Variants in EML1 observed in about 807,000 individuals in gnomAD.
The protein encoded by EML1 is EMAP like 1, also known as echinoderm microtubule-associated protein-like 1.
Under a neutral mutation model 110.4 loss-of-function variants are expected in EML1, and 27 were observed. The ratio of observed to expected loss-of-function variants is 0.24; its 90% confidence interval spans 0.18 to 0.34. The LOEUF (loss-of-function observed/expected upper bound fraction) is 0.34. Ranked by LOEUF, EML1 falls within the 10% of genes least tolerant of loss-of-function variation. EML1 has a pLI of 1.00. For synonymous variants in EML1, 344 were observed against 385.8 expected (o/e 0.89, Z 1.27); for missense variants, 741 against 1,030.9 (o/e 0.72, Z 3.85).
chr14:99,841,070 G>T (rs1273432570), intron 1 of EML1, among the ~76,000 whole-genome samples: 1 of 152,196 alleles, frequency 6.6e-6, no homozygotes, highest in Non-Finnish European at 1.5e-5. Context: ...TGAGAGTCAA[G>T]TTGGAGCTGG....
chr14:99,828,940 A>G (rs553511991), intron 1 of EML1, among the ~76,000 whole-genome samples: 1 of 152,224 alleles, frequency 6.6e-6, no homozygotes, highest in South Asian at 2.1e-4. Context: ...GGAAGAGGAA[A>G]GCATTGGTCT....
chr14:99,839,730 T>C (rs1159349101), intron 1 of EML1, among the ~76,000 whole-genome samples: 1 of 152,240 alleles, frequency 6.6e-6, no homozygotes, highest in East Asian at 1.9e-4. Context: ...TATGTGAACA[T>C]TAGTTCTTGA....
intron 5 of EML1, among the ~76,000 whole-genome samples, chr14:99,891,950 C>G (rs2059594417): frequency 6.6e-6 from 1 of 152,192 alleles, no homozygotes; most frequent in Non-Finnish European, 1.5e-5. Context: ...TGAAATTACT[C>G]ACTGAAAATG....
intron 4 of EML1, among the ~76,000 whole-genome samples, chr14:99,881,360 T>C (rs770293709): frequency 1.3e-5 from 2 of 152,244 alleles, no homozygotes; most frequent in Non-Finnish European, 2.9e-5. Flanking sequence ...TTAGCACATA[T>C]GGCACTTAGG....
rs991099798 is a variant in EML1, at chr14:99,827,334, C to T, written c.68-23519C>T. Among the ~76,000 whole-genome samples the T allele has an allele frequency of 3.3e-5, 5 of 150,514 alleles. No homozygotes were observed. The South Asian group carries it at 6.4e-4, about 19-fold the overall frequency. Reference sequence around the variant, plus strand: ...ACTGGACCTTGCCGGTTTTGAGTATCGTGAGTACCCTGGCAGCATAGCTGG... The same window carrying T: ...ACTGGACCTTGCCGGTTTTGAGTATTGTGAGTACCCTGGCAGCATAGCTGG... On this transcript the variant is annotated intron_variant, in intron 1 of 21. Transcript: ENST00000262233. This position sits in a 1 kb window ranked among gnomAD's most constrained non-coding sequence, Gnocchi z 4.4.
intron 16 of EML1, among the ~76,000 whole-genome samples, chr14:99,919,160 G>T (rs992431447): frequency 6.6e-6 from 1 of 152,070 alleles, no homozygotes; most frequent in South Asian, 2.1e-4. Flanking sequence ...TTGCTTTCCA[G>T]GTTTTGATTG....
intron 2 of EML1, among the ~76,000 whole-genome samples, chr14:99,851,499 G>C (rs2058800037): frequency 6.6e-6 from 1 of 152,064 alleles, no homozygotes; most frequent in South Asian, 2.1e-4. Context: ...AGTGGAGACA[G>C]AGTTTCACCG....
chr14:99,924,180 G>GTT (rs55972281), intron 17 of EML1, among the ~76,000 whole-genome samples: 7 of 151,856 alleles, frequency 4.6e-5, no homozygotes, highest in South Asian at 4.2e-4. Context: ...CAAAATAAGT[G>GTT]TTTTTTTTAT....
rs377432781 is a variant in EML1 at position 99,936,388 on chromosome 14, T to G, written c.2095+54T>G. 90 of 1,548,558 alleles carry G rather than the reference T, an allele frequency of 5.8e-5. No homozygotes were observed. In the African/African-American group the frequency reaches 1.0e-3, roughly 18 times the overall value. ...TCTCGATCTCAGAAAGCGTTCACTC[T>G]GAGATCCAGGGGGCCTCTGTGAGAA... On this transcript the variant is annotated intron_variant, in intron 19 of 21. Transcript: ENST00000262233. This position sits in a 1 kb window ranked among gnomAD's most constrained non-coding sequence, Gnocchi z 5.5.
intron 1 of EML1, among the ~76,000 whole-genome samples, chr14:99,848,960 CAAAA>C (rs35648071): frequency 2.2e-5 from 3 of 135,182 alleles, no homozygotes. Context: ...AAGACCCTGT[CAAAA>C]AAAAAAAAAA....
chr14:99,810,010 C>T (rs1466786127), intron 1 of EML1, among the ~76,000 whole-genome samples: 1 of 152,226 alleles, frequency 6.6e-6, no homozygotes, highest in Non-Finnish European at 1.5e-5. Flanking sequence ...TGTACCGCGT[C>T]TGGTTCCTGG....
chr14:99,785,535 A>G (rs1276875410), intron 1 of EML1, among the ~76,000 whole-genome samples: 2 of 152,226 alleles, frequency 1.3e-5, no homozygotes, highest in Non-Finnish European at 2.9e-5. Flanking sequence ...GGAGTCGCAG[A>G]AAACTGGGAA....
intron 17 of EML1, among the ~76,000 whole-genome samples, chr14:99,934,730 C>T (rs1347279481): frequency 6.6e-6 from 1 of 152,188 alleles, no homozygotes. Flanking sequence ...GTTTCCAGTC[C>T]TTCTTTTTGC....
chr14:99,916,606 GTTC>G (rs1324204789), intron 15 of EML1, among the ~76,000 whole-genome samples: 1 of 152,162 alleles, frequency 6.6e-6, no homozygotes, highest in South Asian at 2.1e-4. Context: ...CATTCAAAGT[GTTC>G]TTATTTCCTA....
intron 7 of EML1, 77 bp downstream of exon 7, chr14:99,897,371 C>T: frequency 1.4e-6 from 2 of 1,397,338 alleles, no homozygotes; most frequent in Non-Finnish European, 1.9e-6. Flanking sequence ...GAGTTCCAGA[C>T]CATCCTGGGC....
intron 1 of EML1, among the ~76,000 whole-genome samples, chr14:99,755,098 G>T (rs1372436840): frequency 6.6e-6 from 1 of 152,266 alleles, no homozygotes; most frequent in Non-Finnish European, 1.5e-5. Context: ...CAGAAGAAAA[G>T]TCAGGCGTTG....
At chr14:99,798,168 C>A (rs2057810002) in intron 1 of EML1, among the ~76,000 whole-genome samples, 1 of 152,150 alleles carries the variant, frequency 6.6e-6, no homozygotes, top group African/African-American at 2.4e-5. Flanking sequence ...TATATTAGGT[C>A]ATCACATGTT....
intron 1 of EML1, among the ~76,000 whole-genome samples, chr14:99,750,313 T>G (rs928502487): frequency 6.6e-6 from 1 of 152,188 alleles, no homozygotes; most frequent in Non-Finnish European, 1.5e-5. Context: ...TCAGATGCGA[T>G]GAGGACTCCA....
At chr14:99,898,832 AT>A (rs1279080117) in intron 8 of EML1, among the ~76,000 whole-genome samples, 2 of 152,102 alleles carry the variant, frequency 1.3e-5, no homozygotes, top group Non-Finnish European at 2.9e-5. Flanking sequence ...TTTAAATAGC[AT>A]TGTTCTGAAC....
Sources: allele counts gnomAD v4.1 joint callset (sites outside exome capture counted in the v4.1 genomes callset), GRCh38; gene constraint gnomAD v4.1.1; non-coding constraint Gnocchi (gnomAD v3.1); transcripts MANE v1.5; gene names NCBI Gene and HGNC (gene_info 2026-07-23, HGNC 2026-07-21).